The following UAP1L1 variants were observed in gnomAD, a reference collection of about 807,000 sequenced individuals.
UAP1L1 encodes UDP-N-acetylglucosamine pyrophosphorylase 1 like 1.
A neutral mutation model predicts 45.3 loss-of-function variants in UAP1L1; 45 were observed. The observed-to-expected ratio is 0.99, with a 90% confidence interval of 0.78 to 1.27. The LOEUF (loss-of-function observed/expected upper bound fraction) is 1.27. Ranked by LOEUF, UAP1L1 falls within the 50% of genes most tolerant of loss-of-function variation. UAP1L1 has a pLI of 0.00. For missense variants in UAP1L1, 667 were observed against 694.0 expected (o/e 0.96, Z 0.44); for synonymous variants, 323 against 303.9 (o/e 1.06, Z -0.65).
At chr9:137,078,889 G>T in intron 3 of UAP1L1, 87 bp from the exon 4 acceptor site, 2 of 1,477,228 alleles carry the variant, frequency 1.4e-6, no homozygotes, top group African/African-American at 1.4e-5. Context: ...CAAGGCCGGG[G>T]CTTCCCCCGC....
rs1388558593 is a variant in UAP1L1, at chr9:137,077,759, C to G, written c.227C>G (p.Pro76Arg). ...DLAARLRPLP[P>R]ERVGRASRSD... is the part of the protein sequence containing the mutation. ...GCCGCGCGCCTGCGGCCCCTGCCCC[C>G]AGAGCGCGTGGGCAGGGCCAGCCGC... The change falls in exon 1 of 9, where the codon CCA (proline) becomes CGA (arginine). Residue 76 changes from proline to arginine, a missense_variant. Pro to Arg is a moderately radical substitution (Grantham distance 103). Coordinates refer to ENST00000409858, the MANE Select transcript of UAP1L1 (RefSeq NM_207309.3). The surrounding 1 kb of genome is among the most constrained non-coding windows in gnomAD (Gnocchi z 4.7). 18 of 1,261,656 alleles carry G rather than the reference C, an allele frequency of 1.4e-5. No individual in the cohort carries two copies. The Admixed American group carries it at 6.5e-4, about 46-fold the overall frequency. 78.2% of individuals were successfully genotyped at this position (1,261,656 alleles called of 1,614,324 possible).
intron 6 of UAP1L1, chr9:137,080,481 C>T (rs1182828672): frequency 4.8e-6 from 3 of 620,056 alleles, no homozygotes; most frequent in African/African-American, 3.7e-5. Context: ...CAGGGTTGGG[C>T]CTTCGGCTGC....
chr9:137,081,321 C>T (rs1832784776), intron 7 of UAP1L1, among the ~76,000 whole-genome samples: 1 of 152,032 alleles, frequency 6.6e-6, no homozygotes, highest in African/African-American at 2.4e-5. Flanking sequence ...CCTGCCTCAG[C>T]CTCCTGAGTA....
At chr9:137,078,744 ACG>A in intron 3 of UAP1L1, 67 bp downstream of exon 3, 1 of 1,522,236 alleles carries the variant, frequency 6.6e-7, no homozygotes, top group Non-Finnish European at 8.8e-7. Flanking sequence ...TTGGGGGTCC[ACG>A]CGCCCGGGTT....
rs1227342861 is a variant in UAP1L1, at chr9:137,077,634, G to A, written c.102G>A (p.Leu34=). 1 of 1,317,646 alleles carries A rather than the reference G, an allele frequency of 7.6e-7. No homozygotes were observed. Among genetic ancestry groups the A allele is most frequent in the Middle Eastern group, 2.9e-4 (1 of 3,406 alleles). The allele number at this position is 1,317,646 out of a possible 1,614,324, so 81.6% of individuals were successfully genotyped here. A position where few individuals can be genotyped will look rare whatever the true frequency, so the allele number is the denominator to read the frequency against. Residue 34 remains leucine, a synonymous_variant, in exon 1 of 9, where the codon CTG becomes CTA. Coordinates refer to ENST00000409858, the MANE Select transcript of UAP1L1 (RefSeq NM_207309.3). The surrounding 1 kb of genome is among the most constrained non-coding windows in gnomAD (Gnocchi z 4.7). ...TGGCGCCGGAGCCACGAGCCGCGCT[G>A]CTGGCGGAGCTGGCGCTGCTGGAGC... ...AELAPEPRAA[L]LAELALLEPE...
In UAP1L1 at chr9:137,082,069, G is replaced by A; in HGVS notation, c.1431+5G>A. ...TTGGTGTCTTACTCTGGAGAGGTGA[G>A]AGCTGCCCATCCCTATCTGGGGCTT... On this transcript the variant is annotated splice_donor_5th_base_variant and intron_variant, in intron 8 of 8. Coordinates refer to ENST00000409858, the MANE Select transcript of UAP1L1 (RefSeq NM_207309.3). The surrounding 1 kb of genome is among the most constrained non-coding windows in gnomAD (Gnocchi z 5.7). The A allele has an allele frequency of 1.2e-6, 2 of 1,613,946 alleles. No homozygotes were observed. Among genetic ancestry groups the A allele is most frequent in the Non-Finnish European group, 1.7e-6 (2 of 1,179,944 alleles).
rs1199148726 is a variant in UAP1L1 at position 137,080,012 on chromosome 9, C to A, written c.1048C>A (p.Pro350Thr). 3 of 1,613,754 alleles carry A rather than the reference C, an allele frequency of 1.9e-6. No homozygotes were observed. The highest frequency in any genetic ancestry group is 2.5e-6 in the Non-Finnish European group (3 of 1,179,934). Residue 350 changes from proline (P) to threonine (T), a missense_variant, in exon 6 of 9, where the codon CCT (proline) becomes ACT (threonine). Transcript: ENST00000409858. ...FLKAVTREFEPLLKPHVAVKK... is the reference protein window; with the variant it reads ...FLKAVTREFETLLKPHVAVKK... ...TCTCCCGTGCCCCAGGGAGTTTGAG[C>A]CTTTGCTGAAGCCACACGTGGCTGT... is the stretch of plus-strand genomic sequence containing the variant.
At chr9:137,078,751 C>G (rs1832738324) in intron 3 of UAP1L1, 74 bp downstream of exon 3, 2 of 1,502,524 alleles carry the variant, frequency 1.3e-6, no homozygotes, top group South Asian at 1.3e-5. Context: ...TCCACGCGCC[C>G]GGGTTCGCGG....
chr9:137,080,996 C>T (rs1832780464), intron 7 of UAP1L1, 122 bp downstream of exon 7: 1 of 1,017,882 alleles, frequency 9.8e-7, no homozygotes, highest in Non-Finnish European at 1.4e-6. Context: ...CTTCCCGGCA[C>T]CACCGCAGGT....
rs1178087118 is a variant in UAP1L1, at chr9:137,080,664, G to A, written c.1179-25G>A. 1.9e-6 allele frequency: 3 copies of A among 1,592,888 alleles called. No individual in the cohort carries two copies. The South Asian group carries it at 3.4e-5, about 18-fold the overall frequency. ...GATCAGGGCCTCTGTGCTGGGACGT[G>A]GGTGACTAGCCCTTTCCCCACCAGG... On this transcript the variant is annotated intron_variant, in intron 6 of 8. Coordinates refer to ENST00000409858, the MANE Select transcript of UAP1L1 (RefSeq NM_207309.3).
At position 137,080,899 on chromosome 9, in the gene UAP1L1, C is replaced by T. The variant is rs750394492; in HGVS notation, c.1364+25C>T. 1.0e-5 allele frequency: 16 copies of T among 1,541,998 alleles called. No individual in the cohort carries two copies. In the South Asian group the frequency reaches 1.5e-4, roughly 15 times the overall value. On this transcript the variant is annotated intron_variant, in intron 7 of 8. Transcript: ENST00000409858. Reference sequence around the variant, plus strand: ...GGTGAGTGTGGCCCTGGGGTAGCTACAGCCAGAAGGGGAGGGCTGTCAGGA... The same window carrying T: ...GGTGAGTGTGGCCCTGGGGTAGCTATAGCCAGAAGGGGAGGGCTGTCAGGA...
At position 137,083,001 on chromosome 9, in the gene UAP1L1, G is replaced by A; in HGVS notation, c.*272G>A. On this transcript the variant is annotated 3_prime_UTR_variant, in exon 9 of 9. Coordinates refer to ENST00000409858, the MANE Select transcript of UAP1L1 (RefSeq NM_207309.3). ...CTGGGGGCTCTGTGGCTCCATTCCT[G>A]GCTGTGGGGTCTAGTCAAGAGGCAG... 2.2e-6 allele frequency: 1 copy of A among 452,258 alleles called. No homozygotes were observed. The allele number at this position is 452,258 out of a possible 1,614,324, so 28.0% of individuals were successfully genotyped here.
rs1469715329 is a variant in UAP1L1 at position 137,078,527 on chromosome 9, C to G, written c.520C>G (p.Leu174Val). The change falls in exon 3 of 9, where the codon CTG becomes GTG. Residue 174 changes from leucine to valine, a missense_variant. Physicochemically the swap from Leu to Val is conservative, Grantham distance 32. Coordinates refer to ENST00000409858, the MANE Select transcript of UAP1L1 (RefSeq NM_207309.3). The part of the protein sequence containing the change: ...PWYVMTSEFT[L>V]GPTAEFFREH... ...GTACGTCATGACCAGCGAGTTCACT[C>G]TGGGGCCCACGGCCGAGTTCTTCAG... The G allele has an allele frequency of 1.2e-6, 2 of 1,613,152 alleles. No homozygotes were observed. Among genetic ancestry groups the G allele is most frequent in the Non-Finnish European group, 1.7e-6 (2 of 1,180,014 alleles).
chr9:137,082,794 T>TC lies in UAP1L1; in HGVS notation c.*71dup, dbSNP rs1221355891. 26 of 1,380,122 alleles carry TC rather than the reference T, an allele frequency of 1.9e-5. No homozygotes were observed. Among genetic ancestry groups the TC allele is most frequent in the Non-Finnish European group, 2.3e-5 (23 of 1,007,248 alleles). The allele number at this position is 1,380,122 out of a possible 1,614,324, so 85.5% of individuals were successfully genotyped here. On this transcript the variant is annotated 3_prime_UTR_variant, in exon 9 of 9. Coordinates refer to ENST00000409858, the MANE Select transcript of UAP1L1 (RefSeq NM_207309.3). This position sits in a 1 kb window ranked among gnomAD's most constrained non-coding sequence, Gnocchi z 5.7. ...GCCCCGGCATCCTGGAAGTCCCGAC[T>TC]CCCCCCAGACCTGCCAGCCCCGGCG...
Position 137,082,231 on chromosome 9 carries a change from G to T in UAP1L1, c.1431+167G>T, listed in dbSNP as rs1832799472. ...CTTTCCAAGATATGGGTTGGGGTGGGGTGAGGCATCCAGAGGCCTTTGCAG... is the reference window on the plus strand; with the variant it reads ...CTTTCCAAGATATGGGTTGGGGTGGTGTGAGGCATCCAGAGGCCTTTGCAG... On this transcript the variant is annotated intron_variant, in intron 8 of 8. Transcript: ENST00000409858. This position sits in a 1 kb window ranked among gnomAD's most constrained non-coding sequence, Gnocchi z 5.7. 1.4e-6 allele frequency: 1 copy of T among 703,860 alleles called. No individual in the cohort carries two copies. The highest frequency in any genetic ancestry group is 2.5e-6 in the Non-Finnish European group (1 of 404,244). The allele number at this position is 703,860 out of a possible 1,614,324, so 43.6% of individuals were successfully genotyped here.
intron 6 of UAP1L1, 89 bp downstream of exon 6, chr9:137,080,231 G>A: frequency 1.3e-6 from 2 of 1,540,554 alleles, no homozygotes; most frequent in East Asian, 2.3e-5. Flanking sequence ...GGAAGTAGAG[G>A]CTTGAGGGAG....
chr9:137,080,920 C>A, intron 7 of UAP1L1, 46 bp downstream of exon 7: 3 of 1,484,984 alleles, frequency 2.0e-6, no homozygotes, highest in Non-Finnish European at 2.7e-6. Context: ...GGAGGGCTGT[C>A]AGGACCCAAT....
chr9:137,082,173 C>A lies in UAP1L1; in HGVS notation c.1431+109C>A. On this transcript the variant is annotated intron_variant, in intron 8 of 8. Coordinates refer to ENST00000409858, the MANE Select transcript of UAP1L1 (RefSeq NM_207309.3). This position sits in a 1 kb window ranked among gnomAD's most constrained non-coding sequence, Gnocchi z 5.7. ...GACGGCACAGCTCTACCTCGGTTAA[C>A]CAATGGGGTCGGTGGTTTAAATTTG... is the stretch of plus-strand genomic sequence containing the variant. The A allele has an allele frequency of 1.8e-6, 2 of 1,084,632 alleles. No homozygotes were observed. Among genetic ancestry groups the A allele is most frequent in the Non-Finnish European group, 2.9e-6 (2 of 701,522 alleles). 67.2% of individuals were successfully genotyped at this position (1,084,632 alleles called of 1,614,324 possible).
Position 137,078,236 on chromosome 9 carries a change from C to A in UAP1L1, c.476C>A (p.Thr159Asn), listed in dbSNP as rs1832725064. ...CAGCTGGCCGGTGAGCGCCACGGGA[C>A]CCGCTGCACCGTCCCCTGGTGTGTC... The part of the protein sequence containing the change: ...VEQLAGERHG[T>N]RCTVPWYVMT... Residue 159 changes from threonine to asparagine, a missense_variant, in exon 2 of 9, where the codon ACC becomes AAC. By Grantham distance (65) the Thr-to-Asn change is moderately conservative. Transcript: ENST00000409858. 1 of 1,544,974 alleles carries A rather than the reference C, an allele frequency of 6.5e-7. No individual in the cohort carries two copies. Among genetic ancestry groups the A allele is most frequent in the Admixed American group, 2.0e-5 (1 of 50,802 alleles).
Sources: gnomAD v4.1 joint callset for allele counts (sites outside exome capture counted in the v4.1 genomes callset) on GRCh38, gnomAD v4.1.1 for gene constraint, Gnocchi (gnomAD v3.1) non-coding constraint, MANE v1.5 for transcripts, NCBI Gene and HGNC (gene_info 2026-07-23, HGNC 2026-07-21) for gene names.